CD200R1: variants seen among roughly 807,000 people sequenced by gnomAD.
CD200R1 encodes the protein cell surface glycoprotein CD200 receptor 1.
In CD200R1, 30 loss-of-function variants were observed where a neutral mutation model predicts 38.1. The observed-to-expected ratio is 0.79, with a 90% confidence interval of 0.59 to 1.07. The LOEUF is 1.07. CD200R1 is among the 50% of genes least tolerant of loss of function. The pLI is 0.00. For missense variants in CD200R1, 372 were observed against 415.4 expected, an observed-to-expected ratio of 0.90 and a Z score of 0.91; for synonymous variants, 128 against 152.1, an observed-to-expected ratio of 0.84 and a Z score of 1.16.
chr3:112,958,637 C>G (rs576291006), intron 1 of CD200R1, among the ~76,000 whole-genome samples: 1 of 152,114 alleles, frequency 6.6e-6, no homozygotes, highest in South Asian at 2.1e-4. Flanking sequence ...AATTATTCTT[C>G]CATAAAGCTG....
intron 1 of CD200R1, among the ~76,000 whole-genome samples, chr3:112,968,946 T>C (rs534506527): frequency 6.6e-6 from 1 of 152,130 alleles, no homozygotes; most frequent in East Asian, 1.9e-4. Flanking sequence ...ACCAAGAAAA[T>C]GTGGCCTATG....
intron 1 of CD200R1, among the ~76,000 whole-genome samples, chr3:112,962,900 G>A (rs1933058849): frequency 6.6e-6 from 1 of 152,218 alleles, no homozygotes; most frequent in African/African-American, 2.4e-5. Flanking sequence ...TGGTTTGGCT[G>A]TGTCCCCACC....
chr3:112,955,907 GCTT>G (rs1238596592), intron 1 of CD200R1, among the ~76,000 whole-genome samples: 1 of 150,344 alleles, frequency 6.7e-6, no homozygotes, highest in Non-Finnish European at 1.5e-5. Context: ...TTATGTTATT[GCTT>G]CTTTTCTTTT....
intron 7 of CD200R1, 116 bp downstream of exon 7, chr3:112,924,374 G>T (rs1461072480): frequency 5.8e-6 from 4 of 691,752 alleles, no homozygotes; most frequent in African/African-American, 1.8e-5. Context: ...CTGCAAGTCA[G>T]AACTGTTTTA....
intron 1 of CD200R1, among the ~76,000 whole-genome samples, chr3:112,958,453 A>C (rs1387668471): frequency 6.6e-6 from 1 of 152,206 alleles, no homozygotes; most frequent in African/African-American, 2.4e-5. Flanking sequence ...AGAACAGATC[A>C]GTGATTGCCC....
intron 1 of CD200R1, among the ~76,000 whole-genome samples, chr3:112,970,017 CA>C (rs200119282): frequency 2.1e-4 from 31 of 144,910 alleles, no homozygotes; most frequent in African/African-American, 2.5e-4. Flanking sequence ...ACAAAAAATA[CA>C]AAAAAAAAAA....
At position 112,922,578 on chromosome 3, in the gene CD200R1, T is replaced by A. The variant is rs979180039; in HGVS notation, c.*1099A>T. 2.6e-5 allele frequency: 4 copies of A among 151,996 alleles called. No individual in the cohort carries two copies. The highest frequency in any genetic ancestry group is 9.7e-5 in the African/African-American group (4 of 41,442). The allele number at this position is 151,996 out of a possible 1,614,324, so 9.4% of individuals were successfully genotyped here. A position where few individuals can be genotyped will look rare whatever the true frequency, so the allele number is the denominator to read the frequency against. Reference sequence around the variant, plus strand: ...AAATACACAATTCCAATGTAGCACATCTGCAAAACTGTTAGGCATCAAGTA... The same window carrying A: ...AAATACACAATTCCAATGTAGCACAACTGCAAAACTGTTAGGCATCAAGTA... On this transcript the variant is annotated 3_prime_UTR_variant, in exon 8 of 8. Coordinates refer to ENST00000308611, the MANE Select transcript of CD200R1 (RefSeq NM_138806.4).
intron 1 of CD200R1, among the ~76,000 whole-genome samples, chr3:112,971,026 G>A (rs1288748216): frequency 1.3e-5 from 2 of 152,090 alleles, no homozygotes; most frequent in African/African-American, 4.8e-5. Context: ...TCGTGGGATG[G>A]ATCATCTACT....
At position 112,931,132 on chromosome 3, in the gene CD200R1, T is replaced by C; in HGVS notation, c.176A>G (p.Gln59Arg). The C allele has an allele frequency of 1.9e-6, 3 of 1,610,886 alleles. No individual in the cohort carries two copies. The highest frequency in any genetic ancestry group is 2.5e-6 in the Non-Finnish European group (3 of 1,176,998). Residue 59 changes from glutamine to arginine, a missense_variant, in exon 3 of 8, where the codon CAG (glutamine) becomes CGG (arginine). Transcript: ENST00000308611. ...TTCTGCGAGTACTTTCGAGTAGTTCTGTGTAATCTGTTTTTCATCCATACA... is the reference window on the plus strand; with the variant it reads ...TTCTGCGAGTACTTTCGAGTAGTTCCGTGTAATCTGTTTTTCATCCATACA... ...SLCMDEKQIT[Q>R]NYSKVLAEVN... is the part of the protein sequence containing the mutation.
chr3:112,925,262 G>A, intron 5 of CD200R1, 69 bp from the exon 6 acceptor site: 2 of 757,930 alleles, frequency 2.6e-6, no homozygotes, highest in Non-Finnish European at 4.4e-6. Context: ...ATTATTCAAT[G>A]TTAAAAAGAA....
intron 1 of CD200R1, among the ~76,000 whole-genome samples, chr3:112,948,377 C>T (rs1344463885): frequency 2.6e-5 from 4 of 152,100 alleles, no homozygotes; most frequent in African/African-American, 9.7e-5. Context: ...GGTCCCCAAC[C>T]TTTTTGGCAC....
chr3:112,964,804 A>G (rs1224726376), intron 1 of CD200R1, among the ~76,000 whole-genome samples: 1 of 152,206 alleles, frequency 6.6e-6, no homozygotes, highest in East Asian at 1.9e-4. Context: ...CAGGGGCAGA[A>G]TGATATGGTT....
At chr3:112,972,958 C>T (rs1933346619) in intron 1 of CD200R1, among the ~76,000 whole-genome samples, 1 of 152,176 alleles carries the variant, frequency 6.6e-6, no homozygotes, top group Non-Finnish European at 1.5e-5. Context: ...CAAATCACTA[C>T]ATGTAAAGTA....
intron 1 of CD200R1, among the ~76,000 whole-genome samples, chr3:112,958,017 A>T (rs1941140780): frequency 2.0e-5 from 3 of 152,126 alleles, no homozygotes; most frequent in East Asian, 3.9e-4. Flanking sequence ...AGAAATTAAA[A>T]CTCTCATACA....
intron 1 of CD200R1, among the ~76,000 whole-genome samples, chr3:112,962,303 A>AT (rs1933042515): frequency 6.6e-6 from 1 of 152,200 alleles, no homozygotes; most frequent in Non-Finnish European, 1.5e-5. Context: ...ATCACAAAGG[A>AT]CAATACATTC....
chr3:112,946,032 CAAAAAAA>C, intron 2 of CD200R1, among the ~76,000 whole-genome samples: 1 of 71,822 alleles, frequency 1.4e-5, no homozygotes, highest in African/African-American at 5.6e-5. Flanking sequence ...GACTCCGTCT[CAAAAAAA>C]AAAAAAAAAA....
At chr3:112,949,908 C>G (rs1217302222) in intron 1 of CD200R1, among the ~76,000 whole-genome samples, 2 of 152,162 alleles carry the variant, frequency 1.3e-5, no homozygotes, top group Non-Finnish European at 2.9e-5. Context: ...TGCACAGCTC[C>G]CTGGCACGTG....
intron 1 of CD200R1, among the ~76,000 whole-genome samples, chr3:112,964,138 C>G (rs1229605715): frequency 6.6e-6 from 1 of 152,222 alleles, no homozygotes; most frequent in Non-Finnish European, 1.5e-5. Context: ...GATGTCCAGG[C>G]AGAAGTTTGC....
intron 1 of CD200R1, among the ~76,000 whole-genome samples, chr3:112,955,510 A>AT (rs34465843): frequency 0.019 from 2,566 of 136,760 alleles, 35 homozygotes; most frequent in African/African-American, 0.035. Context: ...CTCTCTTCAC[A>AT]TTTTTTTTTT....
Sources: gnomAD v4.1 joint callset for allele counts (sites outside exome capture counted in the v4.1 genomes callset) on GRCh38, gnomAD v4.1.1 for gene constraint, MANE v1.5 for transcripts, NCBI Gene and HGNC (gene_info 2026-07-23, HGNC 2026-07-21) for gene names.